Variants in OSBPL10 observed in about 807,000 individuals in gnomAD.
OSBPL10 encodes the protein oxysterol-binding protein-related protein 10.
A neutral mutation model predicts 81.7 loss-of-function variants in OSBPL10; 49 were observed. That is an observed-to-expected ratio of 0.60 (90% CI 0.48 to 0.76). OSBPL10 has a LOEUF of 0.76. Ranked by LOEUF, OSBPL10 falls within the 30% of genes least tolerant of loss-of-function variation. The pLI is 0.00. For missense variants in OSBPL10, 923 were observed against 987.8 expected (o/e 0.93, Z 0.88); for synonymous variants, 419 against 383.6 (o/e 1.09, Z -1.08).
chr3:31,729,705 C>T (rs573163556), intron 6 of OSBPL10, among the ~76,000 whole-genome samples: 2 of 152,228 alleles, frequency 1.3e-5, no homozygotes, highest in Non-Finnish European at 2.9e-5. Context: ...CGGCATGAGC[C>T]ACCACGCCCA....
intron 3 of OSBPL10, among the ~76,000 whole-genome samples, chr3:31,873,368 T>C (rs1240500512): frequency 2.6e-5 from 4 of 152,262 alleles, no homozygotes; most frequent in Non-Finnish European, 5.9e-5. Flanking sequence ...AATTCCCTCC[T>C]TGTTTTTCTC....
intron 4 of OSBPL10, among the ~76,000 whole-genome samples, chr3:31,750,115 A>G (rs1272998523): frequency 3.3e-5 from 5 of 151,566 alleles, no homozygotes; most frequent in Middle Eastern, 3.5e-3. Context: ...CCAGGAGGCA[A>G]AAGTTGCAGT....
At chr3:32,052,105 G>C (rs1162667385) in intron 1 of OSBPL10, among the ~76,000 whole-genome samples, 1 of 151,906 alleles carries the variant, frequency 6.6e-6, no homozygotes, top group African/African-American at 2.4e-5. Flanking sequence ...AAATTAGCTG[G>C]GTGTGGTGGC....
chr3:31,674,913 G>T (rs1353414588), intron 8 of OSBPL10, among the ~76,000 whole-genome samples: 1 of 152,218 alleles, frequency 6.6e-6, no homozygotes, highest in Non-Finnish European at 1.5e-5. Context: ...GCTCATGTAA[G>T]GGTTCTGAGC....
At chr3:31,961,061 T>C (rs890430781) in intron 1 of OSBPL10, among the ~76,000 whole-genome samples, 1 of 151,104 alleles carries the variant, frequency 6.6e-6, no homozygotes. Flanking sequence ...TTTTTTTTTT[T>C]TTTTTTTTTA....
intron 5 of OSBPL10, among the ~76,000 whole-genome samples, chr3:31,744,879 A>G (rs7614865): frequency 0.81 from 123,643 of 152,136 alleles, 51,114 homozygotes; most frequent in East Asian, 1. Flanking sequence ...ATTCAAGCTT[A>G]TATTTACTAG....
chr3:31,909,846 A>G (rs1481420334), intron 1 of OSBPL10, among the ~76,000 whole-genome samples: 1 of 151,938 alleles, frequency 6.6e-6, no homozygotes, highest in Non-Finnish European at 1.5e-5. Context: ...ACCCCCTAAC[A>G]CCATTTTTTT....
intron 2 of OSBPL10, among the ~76,000 whole-genome samples, chr3:32,019,138 C>A (rs984928489): frequency 6.6e-6 from 1 of 152,186 alleles, no homozygotes; most frequent in African/African-American, 2.4e-5. Flanking sequence ...CCCACCCCCC[C>A]AAATTCCCTT....
chr3:32,060,881 G>A (rs1699750419), intron 1 of OSBPL10, among the ~76,000 whole-genome samples: 1 of 86,602 alleles, frequency 1.2e-5, no homozygotes, highest in African/African-American at 2.9e-5. Context: ...GCTGAGGCGG[G>A]AGAACCGCTT....
chr3:31,896,359 A>G (rs1696057215), intron 1 of OSBPL10, among the ~76,000 whole-genome samples: 1 of 152,212 alleles, frequency 6.6e-6, no homozygotes, highest in African/African-American at 2.4e-5. Flanking sequence ...AATCTAATCA[A>G]ATAAAAAATG....
chr3:31,829,611 G>C (rs563062286), intron 4 of OSBPL10, among the ~76,000 whole-genome samples: 8 of 152,232 alleles, frequency 5.3e-5, no homozygotes, highest in African/African-American at 1.9e-4. Context: ...GTGTCTATGA[G>C]GGGAAGCAGG....
intron 1 of OSBPL10, among the ~76,000 whole-genome samples, chr3:31,920,115 A>G (rs1352811649): frequency 6.6e-6 from 1 of 152,202 alleles, no homozygotes; most frequent in Non-Finnish European, 1.5e-5. Flanking sequence ...TAAAACTATA[A>G]AGACATTATA....
chr3:31,930,003 C>CAAAAA (rs57256301), intron 1 of OSBPL10, among the ~76,000 whole-genome samples: 1,217 of 70,514 alleles, frequency 0.017, 36 homozygotes, highest in Non-Finnish European at 0.019. Flanking sequence ...TGTCACCAAC[C>CAAAAA]AAAAAAAAAA....
intron 2 of OSBPL10, among the ~76,000 whole-genome samples, chr3:32,019,742 C>T (rs943899882): frequency 2.1e-4 from 32 of 152,142 alleles, no homozygotes; most frequent in Admixed American, 1.0e-3. Flanking sequence ...TCTGTTTCTT[C>T]GCAATAAGAA....
rs116829086 is a variant in OSBPL10 at position 31,922,492 on chromosome 3, C to T, written c.282-42662G>A. On this transcript the variant is annotated intron_variant, in intron 1 of 11. Transcript: ENST00000396556. Reference sequence around the variant, plus strand: ...AGTTAGCTGGGTGTGGTGGAGCGTGCTTGTAATCCCAGTTACTCGAGAGAC... The same window carrying T: ...AGTTAGCTGGGTGTGGTGGAGCGTGTTTGTAATCCCAGTTACTCGAGAGAC... Among the ~76,000 whole-genome samples, 1,310 of 152,168 alleles carry T rather than the reference C, an allele frequency of 8.6e-3. 17 individuals are homozygous for T. Among genetic ancestry groups the T allele is most frequent in the African/African-American group, 0.03 (1,237 of 41,504 alleles).
chr3:31,783,620 G>A lies in OSBPL10; in HGVS notation c.730-35500C>T, dbSNP rs372385951. Among the ~76,000 whole-genome samples the A allele has an allele frequency of 4.3e-4, 64 of 149,186 alleles. No individual in the cohort carries two copies. The South Asian group carries it at 0.012, about 28-fold the overall frequency. ...AGCCTGGCCAACATGGTGAAATCCC[G>A]TCTCTACTAAAAATACAAAAATTAG... On this transcript the variant is annotated intron_variant, in intron 4 of 11. Transcript: ENST00000396556.
At chr3:32,020,393 T>C (rs1006898928) in intron 2 of OSBPL10, among the ~76,000 whole-genome samples, 1 of 152,228 alleles carries the variant, frequency 6.6e-6, no homozygotes, top group East Asian at 1.9e-4. Context: ...TCATACTATA[T>C]GTAGTCTTCT....
intron 4 of OSBPL10, among the ~76,000 whole-genome samples, chr3:31,819,910 G>A (rs1699938702): frequency 6.6e-6 from 1 of 152,202 alleles, no homozygotes; most frequent in South Asian, 2.1e-4. Context: ...GCTTCCTTAA[G>A]GAAGAAATTC....
chr3:31,717,679 C>G (rs1441113465), intron 6 of OSBPL10, among the ~76,000 whole-genome samples: 1 of 152,152 alleles, frequency 6.6e-6, no homozygotes, highest in African/African-American at 2.4e-5. Flanking sequence ...ATTTTTCTAG[C>G]CACAGTGACA....
Sources: gnomAD v4.1 joint callset for allele counts (sites outside exome capture counted in the v4.1 genomes callset) on GRCh38, gnomAD v4.1.1 for gene constraint, MANE v1.5 for transcripts, NCBI Gene and HGNC (gene_info 2026-07-23, HGNC 2026-07-21) for gene names.